The following CELF2 variants were observed in gnomAD, a reference collection of about 807,000 sequenced individuals.
CELF2 encodes CUGBP Elav-like family member 2.
Under a neutral mutation model 62.6 loss-of-function variants are expected in CELF2, and 8 were observed. The observed-to-expected ratio is 0.13, with a 90% confidence interval of 0.07 to 0.23. The LOEUF is 0.23. Ranked by LOEUF, CELF2 falls within the 10% of genes least tolerant of loss-of-function variation. The pLI is 1.00. For synonymous variants in CELF2, 258 were observed against 250.0 expected, an observed-to-expected ratio of 1.03 and a Z score of -0.30; for missense variants, 333 against 671.0, an observed-to-expected ratio of 0.50 and a Z score of 5.56.
rs1373110573 is a variant in CELF2 at position 11,290,111 on chromosome 10, A to T, written c.976+1559A>T. On this transcript the variant is annotated intron_variant, in intron 9 of 12. Coordinates refer to ENST00000633077, the MANE Select transcript of CELF2 (RefSeq NM_001326342.2). The surrounding 1 kb of genome is among the most constrained non-coding windows in gnomAD (Gnocchi z 4.3). ...GTCGGCTGATTGGTGTAGCTAAGATAACTCAAAAATCATATCCCAAAAGCG... is the reference window on the plus strand; with the variant it reads ...GTCGGCTGATTGGTGTAGCTAAGATTACTCAAAAATCATATCCCAAAAGCG... 6.6e-5 allele frequency among the ~76,000 whole-genome samples: 10 copies of T among 152,222 alleles called. No homozygotes were observed. Among genetic ancestry groups the T allele is most frequent in the African/African-American group, 2.4e-4 (10 of 41,452 alleles).
In CELF2 at chr10:11,012,262, T is replaced by A. The variant is rs1279595862; in HGVS notation, c.53+6822T>A. 2.0e-5 allele frequency among the ~76,000 whole-genome samples: 3 copies of A among 152,252 alleles called. No homozygotes were observed. Among genetic ancestry groups the A allele is most frequent in the African/African-American group, 7.2e-5 (3 of 41,476 alleles). On this transcript the variant is annotated intron_variant, in intron 1 of 12. Coordinates refer to the CELF2 transcript ENST00000416382. This position sits in a 1 kb window ranked among gnomAD's most constrained non-coding sequence, Gnocchi z 5.5. ...ATCTGCATGTACTGGATCAGATATC[T>A]TCTGATCCTAGTGACCACGAGCTCT...
At chr10:10,611,211 A>G in the CELF2 span, among the ~76,000 whole-genome samples, 1 of 152,060 alleles carries the variant, frequency 6.6e-6, no homozygotes, top group African/African-American at 2.4e-5. Context: ...GACTATATGG[A>G]GTGACTTGGA....
chr10:10,767,062 C>T, the CELF2 span, among the ~76,000 whole-genome samples: 1 of 152,136 alleles, frequency 6.6e-6, no homozygotes. Flanking sequence ...TTTCCTTCAT[C>T]GCCGTCTTTT....
intron 1 of CELF2, among the ~76,000 whole-genome samples, chr10:10,911,764 C>CT (rs896107264): frequency 5.9e-5 from 9 of 152,330 alleles, no homozygotes; most frequent in Non-Finnish European, 8.8e-5. Flanking sequence ...AGTTTCGTTC[C>CT]TATGAATGTA....
chr10:10,693,997 G>T, the CELF2 span, among the ~76,000 whole-genome samples: 2 of 150,118 alleles, frequency 1.3e-5, no homozygotes, highest in Non-Finnish European at 3.0e-5. Context: ...AGGGTTTTTT[G>T]TGTCTCTATT....
At chr10:10,511,192 C>T in the CELF2 span, among the ~76,000 whole-genome samples, 1 of 152,076 alleles carries the variant, frequency 6.6e-6, no homozygotes, top group Non-Finnish European at 1.5e-5. Context: ...GACAGATCAC[C>T]TGAGGTCAGG....
intron 2 of CELF2, among the ~76,000 whole-genome samples, chr10:10,971,418 T>A (rs912130696): frequency 2.0e-4 from 31 of 152,214 alleles, no homozygotes; most frequent in African/African-American, 7.5e-4. Flanking sequence ...ACTTGCTTTT[T>A]CTATCCAGCC....
intron 1 of CELF2, among the ~76,000 whole-genome samples, chr10:11,132,047 A>G (rs936759566): frequency 6.6e-6 from 1 of 152,230 alleles, no homozygotes; most frequent in Non-Finnish European, 1.5e-5. Flanking sequence ...TTTTTGACAG[A>G]AAGTACAGTT....
At chr10:11,028,167 A>C (rs1249944064) in intron 1 of CELF2, among the ~76,000 whole-genome samples, 1 of 152,138 alleles carries the variant, frequency 6.6e-6, no homozygotes, top group Non-Finnish European at 1.5e-5. Flanking sequence ...CTGCATGATG[A>C]TTGAGAAGTT....
chr10:10,574,458 G>A, the CELF2 span, among the ~76,000 whole-genome samples: 8 of 152,160 alleles, frequency 5.3e-5, no homozygotes, highest in African/African-American at 1.9e-4. Context: ...AACGTGTTAT[G>A]ATCCACCAAC....
At chr10:10,505,492 C>A in the CELF2 span, among the ~76,000 whole-genome samples, 13 of 151,992 alleles carry the variant, frequency 8.6e-5, no homozygotes, top group Non-Finnish European at 1.6e-4. Flanking sequence ...CTTGGAAGTT[C>A]AGGCTCCCCT....
chr10:11,256,824 G>A (rs572646466), intron 4 of CELF2, among the ~76,000 whole-genome samples: 19 of 152,162 alleles, frequency 1.2e-4, no homozygotes, highest in Middle Eastern at 3.4e-3. Context: ...GAAGTACAAC[G>A]TGTCTTATCT....
At position 10,982,926 on chromosome 10, in the gene CELF2, G is replaced by A. The variant is rs79918290; in HGVS notation, c.89+62927G>A. On this transcript the variant is annotated intron_variant, in intron 2 of 13. Coordinates refer to the CELF2 transcript ENST00000636488. ...TGTGTGTTTTTTTTTTTTAATGTTTGCATTTTCTAAGACTACTGTGCTTTT... is the reference window on the plus strand; with the variant it reads ...TGTGTGTTTTTTTTTTTTAATGTTTACATTTTCTAAGACTACTGTGCTTTT... Among the ~76,000 whole-genome samples the A allele has an allele frequency of 3.6e-3, 543 of 149,776 alleles. 3 individuals are homozygous for A. Among genetic ancestry groups the A allele is most frequent in the African/African-American group, 0.013 (518 of 40,662 alleles).
intron 3 of CELF2, among the ~76,000 whole-genome samples, chr10:11,226,858 C>T (rs1047759930): frequency 2.4e-4 from 36 of 152,124 alleles, no homozygotes; most frequent in Non-Finnish European, 2.4e-4. Context: ...TACTGCTTTG[C>T]GAAAGTGATT....
the CELF2 span, among the ~76,000 whole-genome samples, chr10:10,742,921 G>T: frequency 6.6e-6 from 1 of 152,196 alleles, no homozygotes; most frequent in Non-Finnish European, 1.5e-5. Flanking sequence ...ACTGAGGTTG[G>T]ATTCTCAACT....
chr10:11,262,440 C>T (rs998053407), intron 5 of CELF2, among the ~76,000 whole-genome samples: 21 of 152,218 alleles, frequency 1.4e-4, no homozygotes, highest in African/African-American at 4.8e-4. Context: ...TCTGCCCACA[C>T]AGTACCTAAA....
intron 3 of CELF2, among the ~76,000 whole-genome samples, chr10:11,226,025 G>C (rs1166032475): frequency 6.6e-6 from 1 of 152,212 alleles, no homozygotes; most frequent in Non-Finnish European, 1.5e-5. Context: ...AGTTGGGTTG[G>C]CCTCGTGGTG....
At chr10:10,725,253 G>A in the CELF2 span, among the ~76,000 whole-genome samples, 1 of 152,150 alleles carries the variant, frequency 6.6e-6, no homozygotes. Flanking sequence ...AACTACATCA[G>A]TAAATGTTGA....
chr10:10,518,030 C>T, the CELF2 span, among the ~76,000 whole-genome samples: 15 of 152,296 alleles, frequency 9.8e-5, 1 homozygote, highest in South Asian at 2.9e-3. Flanking sequence ...CAACCACCCA[C>T]CATCTCCTTG....
Sources: gnomAD v4.1 joint callset for allele counts (sites outside exome capture counted in the v4.1 genomes callset) on GRCh38, gnomAD v4.1.1 for gene constraint, Gnocchi (gnomAD v3.1) non-coding constraint, MANE v1.5 for transcripts, NCBI Gene and HGNC (gene_info 2026-07-23, HGNC 2026-07-21) for gene names.